The following WIPF2 variants were observed in gnomAD, a reference collection of about 807,000 sequenced individuals.
The protein encoded by WIPF2 is WAS/WASL interacting protein family member 2, also known as WAS/WASL-interacting protein family member 2.
In WIPF2, 23 loss-of-function variants were observed where a neutral mutation model predicts 38.8. The ratio of observed to expected loss-of-function variants is 0.59; its 90% CI spans 0.43 to 0.84. The LOEUF (loss-of-function observed/expected upper bound fraction) is 0.84. Ranked by LOEUF, WIPF2 falls within the 40% of genes least tolerant of loss-of-function variation. The pLI is 0.00. For missense variants in WIPF2, 574 were observed against 580.5 expected (o/e 0.99, Z 0.11); for synonymous variants, 210 against 223.2 (o/e 0.94, Z 0.53).
chr17:40,258,379 G>A (rs1036358293), intron 2 of WIPF2, among the ~76,000 whole-genome samples: 5 of 152,114 alleles, frequency 3.3e-5, no homozygotes, highest in African/African-American at 1.2e-4. Context: ...AGATCACGAG[G>A]TCAGGAGATT....
chr17:40,266,640 G>A (rs72836653), intron 5 of WIPF2, among the ~76,000 whole-genome samples: 15,848 of 152,166 alleles, frequency 0.1, 962 homozygotes, highest in East Asian at 0.29. Context: ...GATAAGTGAA[G>A]TGATTGTTGG....
intron 2 of WIPF2, among the ~76,000 whole-genome samples, chr17:40,259,451 G>A (rs929498849): frequency 1.3e-5 from 2 of 150,174 alleles, no homozygotes; most frequent in Non-Finnish European, 3.0e-5. Flanking sequence ...AAAAAAAAAA[G>A]CAAAAAGCAA....
intron 7 of WIPF2, among the ~76,000 whole-genome samples, chr17:40,277,810 T>G (rs1380230045): frequency 7.1e-6 from 1 of 141,384 alleles, no homozygotes; most frequent in Non-Finnish European, 1.5e-5. Context: ...ACCCCAAACC[T>G]CTGCCTCCCA....
chr17:40,237,377 A>G (rs924432427), intron 1 of WIPF2, among the ~76,000 whole-genome samples: 2 of 151,224 alleles, frequency 1.3e-5, no homozygotes. Context: ...AGTAGCTAGG[A>G]TTACAGGCGT....
intron 1 of WIPF2, among the ~76,000 whole-genome samples, chr17:40,248,125 A>G (rs1162008231): frequency 8.6e-6 from 1 of 115,914 alleles, no homozygotes; most frequent in Non-Finnish European, 1.8e-5. Context: ...AAGCTGATAC[A>G]TCAGTTTTTT....
intron 1 of WIPF2, among the ~76,000 whole-genome samples, chr17:40,244,725 G>T (rs1436062925): frequency 6.6e-6 from 1 of 152,212 alleles, no homozygotes; most frequent in Middle Eastern, 3.4e-3. Flanking sequence ...TTCTCACTCT[G>T]TTCTAGCTAT....
chr17:40,234,617 CCTTT>C (rs566258700), intron 1 of WIPF2, among the ~76,000 whole-genome samples: 444 of 151,938 alleles, frequency 2.9e-3, no homozygotes, highest in Non-Finnish European at 4.8e-3. Context: ...AGAGCGAGAC[CCTTT>C]CTTCAAAAAA....
At chr17:40,249,597 G>A (rs2031486257) in intron 1 of WIPF2, among the ~76,000 whole-genome samples, 1 of 151,800 alleles carries the variant, frequency 6.6e-6, no homozygotes, top group African/African-American at 2.4e-5. Context: ...GGGATTACAG[G>A]CATGCACCAC....
chr17:40,255,596 A>C (rs2145360883), intron 1 of WIPF2, among the ~76,000 whole-genome samples: 1 of 150,166 alleles, frequency 6.7e-6, no homozygotes. Flanking sequence ...AAGTGCTGGG[A>C]TTACAGGTGT....
chr17:40,241,830 A>G (rs990542385), intron 1 of WIPF2, among the ~76,000 whole-genome samples: 1 of 152,160 alleles, frequency 6.6e-6, no homozygotes, highest in African/African-American at 2.4e-5. Flanking sequence ...CTACGCCTAG[A>G]AAAGAAAAAG....
chr17:40,272,385 T>C (rs558084254), intron 5 of WIPF2, among the ~76,000 whole-genome samples: 1 of 152,310 alleles, frequency 6.6e-6, no homozygotes, highest in South Asian at 2.1e-4. Flanking sequence ...GACCATCATA[T>C]AATAGTGTTT....
At chr17:40,255,730 G>A (rs530587726) in intron 1 of WIPF2, among the ~76,000 whole-genome samples, 2 of 150,028 alleles carry the variant, frequency 1.3e-5, no homozygotes, top group East Asian at 2.0e-4. Flanking sequence ...CTGGTTTCAC[G>A]CCATTCTCCT....
chr17:40,230,800 C>G (rs182689956), intron 1 of WIPF2, among the ~76,000 whole-genome samples: 1 of 152,096 alleles, frequency 6.6e-6, no homozygotes. Flanking sequence ...AAATAATCTT[C>G]ATGGTGCTAG....
intron 2 of WIPF2, among the ~76,000 whole-genome samples, chr17:40,259,887 A>G (rs962667700): frequency 6.6e-6 from 1 of 152,164 alleles, no homozygotes; most frequent in Non-Finnish European, 1.5e-5. Flanking sequence ...GGGACTCACT[A>G]AATGTTTGCC....
chr17:40,226,038 G>A (rs950037272), intron 1 of WIPF2, among the ~76,000 whole-genome samples: 1 of 151,922 alleles, frequency 6.6e-6, no homozygotes, highest in Non-Finnish European at 1.5e-5. Context: ...TTTGTTTTTA[G>A]CAAGTAATTA....
intron 1 of WIPF2, among the ~76,000 whole-genome samples, chr17:40,232,429 G>A (rs1457607509): frequency 2.7e-5 from 4 of 150,342 alleles, no homozygotes; most frequent in African/African-American, 9.8e-5. Flanking sequence ...ACCTCAAGCA[G>A]TCCACCCGCC....
intron 6 of WIPF2, among the ~76,000 whole-genome samples, chr17:40,274,275 G>C (rs1445526411): frequency 2.0e-5 from 3 of 152,136 alleles, no homozygotes; most frequent in Non-Finnish European, 4.4e-5. Flanking sequence ...ATCACTTTTT[G>C]TAGCTAGCTT....
chr17:40,220,753 C>T (rs1414498308), intron 1 of WIPF2, among the ~76,000 whole-genome samples: 3 of 149,166 alleles, frequency 2.0e-5, no homozygotes, highest in East Asian at 2.0e-4. Context: ...CAGGGATGAG[C>T]CACTGTGCCT....
At chr17:40,257,394 T>A (rs1018962143) in intron 2 of WIPF2, among the ~76,000 whole-genome samples, 2 of 152,112 alleles carry the variant, frequency 1.3e-5, no homozygotes, top group African/African-American at 4.8e-5. Context: ...AAAGGAGTTT[T>A]TGGAATGTAT....
Sources: gnomAD v4.1 joint callset for allele counts (sites outside exome capture counted in the v4.1 genomes callset) on GRCh38, gnomAD v4.1.1 for gene constraint, MANE v1.5 for transcripts, NCBI Gene and HGNC (gene_info 2026-07-23, HGNC 2026-07-21) for gene names.